Variants in PIK3CB observed in about 807,000 individuals in gnomAD.
PIK3CB encodes the protein phosphatidylinositol 4,5-bisphosphate 3-kinase catalytic subunit beta isoform.
A neutral mutation model predicts 136.8 loss-of-function variants in PIK3CB; 39 were observed. That is an observed-to-expected ratio of 0.29 (90% CI 0.22 to 0.37). The LOEUF (loss-of-function observed/expected upper bound fraction) is 0.37. PIK3CB is among the 10% of genes least tolerant of loss of function. PIK3CB has a pLI of 1.00. For missense variants in PIK3CB, 868 were observed against 1,275.4 expected (o/e 0.68, Z 4.87); for synonymous variants, 428 against 436.6 (o/e 0.98, Z 0.25).
At chr3:138,773,736 G>A (rs1311964544) in intron 2 of PIK3CB, among the ~76,000 whole-genome samples, 1 of 151,992 alleles carries the variant, frequency 6.6e-6, no homozygotes, top group Non-Finnish European at 1.5e-5. Flanking sequence ...ATGTTCGACC[G>A]TGTTTACCCC....
At chr3:138,656,372 G>T in intron 22 of PIK3CB, 98 bp from the exon 23 acceptor site, 2 of 1,287,730 alleles carry the variant, frequency 1.6e-6, no homozygotes, top group Non-Finnish European at 2.1e-6. Flanking sequence ...CTTTCTATTA[G>T]AATAAGAAAA....
chr3:138,736,174 T>G (rs2045099467), intron 6 of PIK3CB, among the ~76,000 whole-genome samples: 1 of 152,238 alleles, frequency 6.6e-6, no homozygotes, highest in Non-Finnish European at 1.5e-5. Context: ...ACTTCTATGT[T>G]GCCCACCAAG....
rs528935792 is a variant in PIK3CB, at chr3:138,825,873, A to G, written c.-122+8822T>C. On this transcript the variant is annotated intron_variant, in intron 1 of 23. Transcript: ENST00000674063. ...CTTCCTGCAGACAATGTGGACTTCA[A>G]TGTCAAGAATGTGTCTGTCAAAGAT... 5.4e-5 allele frequency: 80 copies of G among 1,474,204 alleles called. No homozygotes were observed. The African/African-American group carries it at 9.9e-4, about 18-fold the overall frequency. 91.3% of individuals were successfully genotyped at this position (1,474,204 alleles called of 1,614,324 possible).
At chr3:138,772,631 T>C (rs9853819) in intron 2 of PIK3CB, among the ~76,000 whole-genome samples, 73,749 of 148,830 alleles carry the variant, frequency 0.5, 20,534 homozygotes, top group East Asian at 0.98. Flanking sequence ...ATCATTCTTT[T>C]GATTTTTTTT....
intron 19 of PIK3CB, among the ~76,000 whole-genome samples, chr3:138,671,427 C>T (rs1172181971): frequency 6.6e-6 from 1 of 151,978 alleles, no homozygotes; most frequent in Non-Finnish European, 1.5e-5. Flanking sequence ...ACCTTGTAGA[C>T]TAAGGTTGTT....
chr3:138,813,281 G>A (rs1933158640), intron 1 of PIK3CB, among the ~76,000 whole-genome samples: 1 of 152,066 alleles, frequency 6.6e-6, no homozygotes, highest in African/African-American at 2.4e-5. Flanking sequence ...GGTTCACCCA[G>A]AGAGTTAAGA....
chr3:138,659,177 A>C (rs1577037153), intron 21 of PIK3CB, among the ~76,000 whole-genome samples: 1 of 152,220 alleles, frequency 6.6e-6, no homozygotes, highest in Non-Finnish European at 1.5e-5. Context: ...AGTTATGACA[A>C]CTAAAACTGT....
chr3:138,687,925 A>ATG (rs1046223482), intron 16 of PIK3CB, among the ~76,000 whole-genome samples: 8 of 152,146 alleles, frequency 5.3e-5, no homozygotes, highest in African/African-American at 1.9e-4. Flanking sequence ...ATAGGCAGAG[A>ATG]TGTGAGATAT....
chr3:138,787,728 T>G (rs1329797702), intron 2 of PIK3CB, among the ~76,000 whole-genome samples: 1 of 151,948 alleles, frequency 6.6e-6, no homozygotes, highest in Non-Finnish European at 1.5e-5. Flanking sequence ...TTCTTTTTTT[T>G]TTTTTTAAAG....
rs114994172 is a variant in PIK3CB, at chr3:138,774,528, A to T, written c.-16-15169T>A. The stretch of plus-strand genomic sequence containing the variant: ...CTGAGGTGGGTGCTTTTGAATGTCA[A>T]CAAATCTTCCTTCTAGAAATGGTAT... On this transcript the variant is annotated intron_variant, in intron 2 of 23. Transcript: ENST00000674063. 2.0e-3 allele frequency among the ~76,000 whole-genome samples: 312 copies of T among 152,326 alleles called. 1 individual carries two copies. Among genetic ancestry groups the T allele is most frequent in the African/African-American group, 7.1e-3 (295 of 41,566 alleles).
intron 2 of PIK3CB, among the ~76,000 whole-genome samples, chr3:138,780,539 G>C (rs931642817): frequency 1.3e-5 from 2 of 152,182 alleles, no homozygotes; most frequent in African/African-American, 4.8e-5. Flanking sequence ...AAAGTGCTAG[G>C]ATTACAGGTG....
At chr3:138,664,179 G>A (rs1323422606) in intron 20 of PIK3CB, 150 bp from the exon 21 acceptor site, 2 of 862,696 alleles carry the variant, frequency 2.3e-6, no homozygotes, top group African/African-American at 1.7e-5. Flanking sequence ...ATCAGCCAAG[G>A]GGAGTGTGGG....
chr3:138,683,842 T>G (rs1354396740), intron 17 of PIK3CB, 55 bp from the exon 18 acceptor site: 2 of 912,846 alleles, frequency 2.2e-6, no homozygotes, highest in Non-Finnish European at 3.6e-6. Context: ...CAGAAGATTA[T>G]AATTTTACCA....
At chr3:138,765,276 C>T (rs2045717665) in intron 2 of PIK3CB, among the ~76,000 whole-genome samples, 1 of 152,026 alleles carries the variant, frequency 6.6e-6, no homozygotes, top group South Asian at 2.1e-4. Context: ...AAGATGATGC[C>T]ACTGCACTCC....
At chr3:138,715,764 A>G (rs1576351104) in intron 8 of PIK3CB, among the ~76,000 whole-genome samples, 2 of 151,688 alleles carry the variant, frequency 1.3e-5, no homozygotes, top group East Asian at 3.9e-4. Context: ...TGAGTTTAAA[A>G]CCTACTAAAA....
chr3:138,753,593 G>A (rs1420807299), intron 4 of PIK3CB, among the ~76,000 whole-genome samples: 6 of 152,014 alleles, frequency 3.9e-5, no homozygotes, highest in Admixed American at 6.6e-5. Flanking sequence ...CACTTTGGGA[G>A]GCAAAGGCAG....
chr3:138,713,113 GAA>G (rs939722627), intron 9 of PIK3CB, among the ~76,000 whole-genome samples: 1 of 149,680 alleles, frequency 6.7e-6, no homozygotes, highest in African/African-American at 2.4e-5. Flanking sequence ...TATTAAGGAA[GAA>G]AAAAATACTA....
intron 4 of PIK3CB, among the ~76,000 whole-genome samples, chr3:138,750,582 C>G (rs576934768): frequency 6.6e-6 from 1 of 152,180 alleles, no homozygotes; most frequent in African/African-American, 2.4e-5. Context: ...TCCTGCTGTG[C>G]GGCCTGGTTC....
intron 1 of PIK3CB, among the ~76,000 whole-genome samples, chr3:138,813,908 C>G (rs527320537): frequency 5.3e-5 from 8 of 152,138 alleles, no homozygotes; most frequent in African/African-American, 1.9e-4. Flanking sequence ...GGGGCCCTTA[C>G]CACAACCTAA....
Sources: gnomAD v4.1 joint callset for allele counts (sites outside exome capture counted in the v4.1 genomes callset) on GRCh38, gnomAD v4.1.1 for gene constraint, MANE v1.5 for transcripts, NCBI Gene and HGNC (gene_info 2026-07-23, HGNC 2026-07-21) for gene names.